UTP20: variants seen among roughly 807,000 people sequenced by gnomAD.
The protein encoded by UTP20 is small subunit processome component 20 homolog.
In UTP20, 164 loss-of-function variants were observed where a neutral mutation model predicts 329.5. That is an observed-to-expected ratio of 0.50 (90% CI 0.44 to 0.57). The LOEUF (loss-of-function observed/expected upper bound fraction) is 0.57. Among genes scored for constraint, UTP20 ranks in the 20% least tolerant of loss-of-function variants. The pLI is 0.00. For synonymous variants in UTP20, 1,151 were observed against 1,159.3 expected (o/e 0.99, Z 0.14); for missense variants, 3,055 against 3,284.2 (o/e 0.93, Z 1.71).
At chr12:101,296,927 T>C (rs1025380231) in intron 12 of UTP20, among the ~76,000 whole-genome samples, 1 of 152,318 alleles carries the variant, frequency 6.6e-6, no homozygotes, top group African/African-American at 2.4e-5. Flanking sequence ...AATAGTTAAG[T>C]GGGTATGCTT....
intron 26 of UTP20, among the ~76,000 whole-genome samples, chr12:101,328,046 A>G (rs1414884707): frequency 6.6e-6 from 1 of 152,238 alleles, no homozygotes; most frequent in Admixed American, 6.5e-5. Context: ...TGGTTATGAA[A>G]CCTCTGTTCC....
chr12:101,340,966 T>TTTTTTTTTTTTTTTTTTTTTTTTTTTG (rs1869108715), intron 32 of UTP20, among the ~76,000 whole-genome samples: 1 of 43,536 alleles, frequency 2.3e-5, no homozygotes, highest in Non-Finnish European at 3.8e-5. Context: ...TTTTTTTTTT[T>TTTTTTTTTTTTTTTTTTTTTTTTTTTG]TTTTTTTTTT....
Position 101,379,531 on chromosome 12 carries a change from G to A in UTP20, c.7557G>A (p.Lys2519=). 1 of 1,613,208 alleles carries A rather than the reference G, an allele frequency of 6.2e-7. No homozygotes were observed. The highest frequency in any genetic ancestry group is 1.1e-5 in the South Asian group (1 of 90,958). ...KKHLPEPVAI[K]FLASDLDQKM... is the part of the protein sequence containing the mutation. Reference sequence around the variant, plus strand: ...ACCTCCCAGAACCTGTAGCAATCAAGTTCCTAGCCAGTGACCTTGACCAAA... The same window carrying A: ...ACCTCCCAGAACCTGTAGCAATCAAATTCCTAGCCAGTGACCTTGACCAAA... Residue 2519 remains lysine, a synonymous_variant, in exon 57 of 62, where the codon AAG becomes AAA. Coordinates refer to ENST00000261637, the MANE Select transcript of UTP20 (RefSeq NM_014503.3).
intron 57 of UTP20, among the ~76,000 whole-genome samples, chr12:101,380,473 A>G (rs995798398): frequency 6.6e-6 from 1 of 152,184 alleles, no homozygotes; most frequent in African/African-American, 2.4e-5. Flanking sequence ...TGTCTCACTC[A>G]TAGTGGAACC....
chr12:101,316,452 T>C (rs1234015875), intron 21 of UTP20, among the ~76,000 whole-genome samples: 2 of 152,258 alleles, frequency 1.3e-5, no homozygotes, highest in African/African-American at 2.4e-5. Flanking sequence ...TTGTAACTTA[T>C]AGAAACTTTA....
At chr12:101,326,314 T>C (rs1868548145) in intron 25 of UTP20, among the ~76,000 whole-genome samples, 1 of 152,218 alleles carries the variant, frequency 6.6e-6, no homozygotes, top group African/African-American at 2.4e-5. Flanking sequence ...TTTATTTTCA[T>C]TAACCCTTCT....
Position 101,367,963 on chromosome 12 carries a change from C to T in UTP20, c.6371C>T (p.Ser2124Phe), listed in dbSNP as rs867384052. Residue 2124 changes from serine to phenylalanine, a missense_variant, in exon 48 of 62, where the codon TCC (serine) becomes TTC (phenylalanine). Physicochemically the swap from Ser to Phe is radical, Grantham distance 155 (BLOSUM62 -2). Around this residue, in one of 3 missense-constraint regions of UTP20, gnomAD observed 2,445 missense variants for 2,575.5 expected, o/e 0.95. Transcript: ENST00000261637. ...TCTCTCCTCATAGACTGCCTGGGCT[C>T]CATGGATGTGAAGGTAAGCATCGGT... ...FVSLLIDCLG[S>F]MDVKVITGAL... is the part of the protein sequence containing the mutation. 5.0e-6 allele frequency: 8 copies of T among 1,611,786 alleles called. No individual in the cohort carries two copies. Among genetic ancestry groups the T allele is most frequent in the Middle Eastern group, 1.7e-4 (1 of 6,052 alleles).
chr12:101,373,752 G>T lies in UTP20; in HGVS notation c.7116G>T (p.Trp2372Cys), dbSNP rs1157361537. ...GGCTGTTTGATATGGTTACCACTTG[G>T]TTTGGAGCAAAAAAGGTGTGCGTTG... Reference protein sequence around the residue: ...KDWLFDMVTTWFGAKKRLNRQ... With the variant: ...KDWLFDMVTTCFGAKKRLNRQ... Residue 2372 changes from tryptophan to cysteine, a missense_variant, in exon 54 of 62, where the codon TGG (tryptophan) becomes TGT (cysteine). By Grantham distance (215) the Trp-to-Cys change is radical. Around this residue, in one of 3 missense-constraint regions of UTP20, gnomAD observed 273 missense variants for 363.1 expected, o/e 0.75. Coordinates refer to ENST00000261637, the MANE Select transcript of UTP20 (RefSeq NM_014503.3). The T allele has an allele frequency of 6.2e-7, 1 of 1,608,990 alleles. No homozygotes were observed. Among genetic ancestry groups the T allele is most frequent in the Admixed American group, 1.7e-5 (1 of 58,222 alleles).
intron 15 of UTP20, among the ~76,000 whole-genome samples, chr12:101,305,044 CT>C (rs1482885249): frequency 6.6e-6 from 1 of 152,062 alleles, no homozygotes; most frequent in Non-Finnish European, 1.5e-5. Flanking sequence ...AGGAGCACCC[CT>C]GTATCAAATG....
intron 14 of UTP20, 102 bp downstream of exon 14, chr12:101,300,163 T>C: frequency 2.7e-6 from 3 of 1,128,352 alleles, no homozygotes; most frequent in Non-Finnish European, 4.0e-6. Flanking sequence ...CATTGTGTTC[T>C]GGCATAACCC....
At chr12:101,325,095 TC>T (rs1393403487) in intron 25 of UTP20, among the ~76,000 whole-genome samples, 1 of 152,210 alleles carries the variant, frequency 6.6e-6, no homozygotes, top group African/African-American at 2.4e-5. Flanking sequence ...ATTATGTTAG[TC>T]CCCTGTTTAC....
intron 10 of UTP20, among the ~76,000 whole-genome samples, chr12:101,292,326 G>A (rs924898782): frequency 7.2e-5 from 11 of 152,256 alleles, no homozygotes; most frequent in Non-Finnish European, 1.5e-4. Flanking sequence ...TGTGGCAAAA[G>A]CTAAATCTAT....
chr12:101,309,609 T>C (rs936403809), intron 18 of UTP20, among the ~76,000 whole-genome samples, 154 bp from the exon 19 acceptor site: 3 of 152,246 alleles, frequency 2.0e-5, no homozygotes, highest in Admixed American at 6.5e-5. Flanking sequence ...TTAGTATACA[T>C]TGAATTTTGG....
chr12:101,280,105 A>G lies in UTP20; in HGVS notation c.-178A>G. On this transcript the variant is annotated 5_prime_UTR_variant, in exon 1 of 62. Transcript: ENST00000261637. ...GTTCTTTTTTCCGTCCACGTGACCC[A>G]CTCAGGCTCCTCCTTGTCTCCAACA... 6 of 750,108 alleles carry G rather than the reference A, an allele frequency of 8.0e-6. No homozygotes were observed. The highest frequency in any genetic ancestry group is 1.1e-5 in the Non-Finnish European group (5 of 470,778). The allele number at this position is 750,108 out of a possible 1,614,324, so 46.5% of individuals were successfully genotyped here. A position where few individuals can be genotyped will look rare whatever the true frequency, so the allele number is the denominator to read the frequency against.
chr12:101,309,036 C>T (rs1872712668), intron 18 of UTP20, among the ~76,000 whole-genome samples: 1 of 152,044 alleles, frequency 6.6e-6, no homozygotes, highest in African/African-American at 2.4e-5. Flanking sequence ...CCCGGCCCAG[C>T]CCTCTATGTT....
intron 54 of UTP20, 46 bp from the exon 55 acceptor site, chr12:101,374,762 G>A: frequency 1.2e-6 from 1 of 834,374 alleles, no homozygotes; most frequent in South Asian, 1.4e-5. Context: ...TTCAGTAAAG[G>A]CCTCCCAAGT....
intron 57 of UTP20, among the ~76,000 whole-genome samples, chr12:101,380,806 G>C (rs2121060122): frequency 6.7e-6 from 1 of 148,892 alleles, no homozygotes; most frequent in African/African-American, 2.5e-5. Context: ...AGAGGTTGCA[G>C]TGAGCCGAGA....
Position 101,338,107 on chromosome 12 carries a change from C to T in UTP20, c.3698C>T (p.Thr1233Ile), listed in dbSNP as rs567268708. Residue 1233 changes from threonine (T) to isoleucine (I), a missense_variant, in exon 30 of 62, where the codon ACC becomes ATC. Transcript: ENST00000261637. ...GGGCACCCAGAATGTGATATCCTGA[C>T]CAATGTTTTTGCAATTCTCTCAGCG... ...KPGHPECDILTNVFAILSAKN... is the reference protein window; with the variant it reads ...KPGHPECDILINVFAILSAKN... The T allele has an allele frequency of 8.7e-6, 14 of 1,614,022 alleles. No individual in the cohort carries two copies. The highest frequency in any genetic ancestry group is 1.1e-5 in the Non-Finnish European group (13 of 1,180,030).
chr12:101,302,830 G>C (rs1001613969), intron 15 of UTP20, among the ~76,000 whole-genome samples: 8 of 152,226 alleles, frequency 5.3e-5, no homozygotes, highest in African/African-American at 1.9e-4. Context: ...ATTCCCAACT[G>C]TAACGTGGCA....
Sources: allele counts gnomAD v4.1 joint callset (sites outside exome capture counted in the v4.1 genomes callset), GRCh38; gene constraint gnomAD v4.1.1; regional missense constraint gnomAD v4.1.1; transcripts MANE v1.5; gene names NCBI Gene and HGNC (gene_info 2026-07-23, HGNC 2026-07-21).